Variants in ACBD5 observed in about 807,000 individuals in gnomAD.
ACBD5 encodes the protein acyl-CoA-binding domain-containing protein 5.
A neutral mutation model predicts 71.8 loss-of-function variants in ACBD5; 40 were observed. The observed-to-expected ratio is 0.56, with a 90% CI of 0.43 to 0.72. ACBD5 has a LOEUF of 0.72. ACBD5 is among the 30% of genes least tolerant of loss of function. The probability of loss-of-function intolerance (pLI) is 0.00; values close to 1 mark genes in which losing one functional copy is unlikely to be tolerated. For synonymous variants in ACBD5, 229 were observed against 218.6 expected (o/e 1.05, Z -0.42); for missense variants, 559 against 644.5 (o/e 0.87, Z 1.44).
chr10:27,198,877 G>A (rs1021345819), intron 12 of ACBD5, among the ~76,000 whole-genome samples: 2 of 152,106 alleles, frequency 1.3e-5, no homozygotes, highest in African/African-American at 2.4e-5. Flanking sequence ...TTGGGAGGCC[G>A]AGGCGGGCGG....
intron 9 of ACBD5, among the ~76,000 whole-genome samples, chr10:27,208,824 C>A (rs1486220718): frequency 6.6e-6 from 1 of 151,670 alleles, no homozygotes; most frequent in African/African-American, 2.4e-5. Context: ...GGCGACAGAG[C>A]GATACTCCAT....
rs2059368546 is a variant in ACBD5 at position 27,196,186 on chromosome 10, G to A, written c.*1244C>T. 1 of 453,472 alleles carries A rather than the reference G, an allele frequency of 2.2e-6. No homozygotes were observed. Among genetic ancestry groups the A allele is most frequent in the Non-Finnish European group, 4.4e-6 (1 of 226,722 alleles). The allele number at this position is 453,472 out of a possible 1,614,324, so 28.1% of individuals were successfully genotyped here. A position where few individuals can be genotyped will look rare whatever the true frequency, so the allele number is the denominator to read the frequency against. On this transcript the variant is annotated 3_prime_UTR_variant, in exon 13 of 13. Coordinates refer to ENST00000396271, the MANE Select transcript of ACBD5 (RefSeq NM_145698.5). ...TTGCCCTCCAGCCTGGGCAACAAGA[G>A]AGAAACTCCATTTAAAAAAAAAAAT...
In ACBD5 at chr10:27,208,808, A is replaced by C. The variant is rs560934143; in HGVS notation, c.1205-363T>G. On this transcript the variant is annotated intron_variant, in intron 9 of 12. Transcript: ENST00000396271. The stretch of plus-strand genomic sequence containing the variant: ...AGCCGAGATCATGCCACTGCACTCC[A>C]GCCTGGGCGACAGAGCGATACTCCA... Among the ~76,000 whole-genome samples, 24 of 152,270 alleles carry C rather than the reference A, an allele frequency of 1.6e-4. No individual in the cohort carries two copies. The East Asian group carries it at 4.1e-3, about 26-fold the overall frequency.
chr10:27,183,319 C>T (rs1346666953), intron 13 of ACBD5, among the ~76,000 whole-genome samples: 2 of 152,090 alleles, frequency 1.3e-5, no homozygotes, highest in African/African-American at 2.4e-5. Flanking sequence ...CTTGCTCTGT[C>T]ACCAGGCTGC....
chr10:27,203,602 G>A (rs1379162434), intron 12 of ACBD5, among the ~76,000 whole-genome samples: 1 of 152,154 alleles, frequency 6.6e-6, no homozygotes, highest in African/African-American at 2.4e-5. Context: ...AGCTGGGCAT[G>A]ATGGCACATG....
chr10:27,220,153 C>T (rs1350650364), intron 5 of ACBD5, among the ~76,000 whole-genome samples: 1 of 152,092 alleles, frequency 6.6e-6, no homozygotes, highest in Non-Finnish European at 1.5e-5. Flanking sequence ...GATCTTCATA[C>T]ATGGCAAGTG....
chr10:27,217,330 CCT>C lies in ACBD5; in HGVS notation c.829+648_829+649del, dbSNP rs1380330603. 3.3e-5 allele frequency among the ~76,000 whole-genome samples: 5 copies of C among 151,344 alleles called. No individual in the cohort carries two copies. The East Asian group carries it at 9.7e-4, about 29-fold the overall frequency. On this transcript the variant is annotated intron_variant, in intron 7 of 12. Coordinates refer to ENST00000396271, the MANE Select transcript of ACBD5 (RefSeq NM_145698.5). Reference sequence around the variant, plus strand: ...AATTAGCTGGGCATGGTGGCACGTGCCTGTTATCCCAGCTACTGGGGAGGCTG... The same window carrying C: ...AATTAGCTGGGCATGGTGGCACGTGCGTTATCCCAGCTACTGGGGAGGCTG...
chr10:27,198,548 G>A (rs1801875466), intron 12 of ACBD5, among the ~76,000 whole-genome samples: 1 of 152,100 alleles, frequency 6.6e-6, no homozygotes, highest in African/African-American at 2.4e-5. Flanking sequence ...ATCCTCTTAT[G>A]TACACCTCCT....
In ACBD5 at chr10:27,196,264, A is replaced by C. The variant is rs1376818681; in HGVS notation, c.*1166T>G. 6.6e-6 allele frequency: 3 copies of C among 453,984 alleles called. No homozygotes were observed. The highest frequency in any genetic ancestry group is 1.3e-5 in the Non-Finnish European group (3 of 226,788). 28.1% of individuals were successfully genotyped at this position (453,984 alleles called of 1,614,324 possible). A position where few individuals can be genotyped will look rare whatever the true frequency, so the allele number is the denominator to read the frequency against. ...AATCTTCAAAGCACAAGGTACATCT[A>C]AGTGAGCAGGAAGTTTTGGAAGGCA... is the stretch of plus-strand genomic sequence containing the variant. On this transcript the variant is annotated 3_prime_UTR_variant, in exon 13 of 13. Coordinates refer to ENST00000396271, the MANE Select transcript of ACBD5 (RefSeq NM_145698.5).
intron 12 of ACBD5, among the ~76,000 whole-genome samples, chr10:27,201,740 T>C (rs752522407): frequency 2.0e-5 from 3 of 152,160 alleles, no homozygotes; most frequent in South Asian, 4.1e-4. Context: ...GACTCAGAGG[T>C]TGCAGTGAGC....
At chr10:27,194,781 A>T (rs529843489), downstream of ACBD5, among the ~76,000 whole-genome samples, 1 of 151,900 alleles carries the variant, frequency 6.6e-6, no homozygotes, top group Non-Finnish European at 1.5e-5. Context: ...GTAGATCACG[A>T]GGTCAAGAGA....
chr10:27,240,780 T>C lies in ACBD5; in HGVS notation c.-92A>G, dbSNP rs2065404422. 1 of 1,532,068 alleles carries C rather than the reference T, an allele frequency of 6.5e-7. No homozygotes were observed. Among genetic ancestry groups the C allele is most frequent in the Non-Finnish European group, 8.8e-7 (1 of 1,131,276 alleles). 94.9% of individuals were successfully genotyped at this position (1,532,068 alleles called of 1,614,324 possible). On this transcript the variant is annotated 5_prime_UTR_variant, in exon 1 of 13. An upstream start codon of the reference 5' UTR is lost. Coordinates refer to ENST00000396271, the MANE Select transcript of ACBD5 (RefSeq NM_145698.5). The surrounding 1 kb of genome is among the most constrained non-coding windows in gnomAD (Gnocchi z 4.1). ...CCTGGCGGAGCAGCCACACCCCCCATTCCGCCGGAGTCCGTCTGTCAGTCC... is the reference window on the plus strand; with the variant it reads ...CCTGGCGGAGCAGCCACACCCCCCACTCCGCCGGAGTCCGTCTGTCAGTCC...
rs757515357 is a variant in ACBD5 at position 27,204,468 on chromosome 10, C to A, written c.1537G>T (p.Val513Leu). 1.9e-6 allele frequency: 3 copies of A among 1,613,804 alleles called. No homozygotes were observed. Among genetic ancestry groups the A allele is most frequent in the African/African-American group, 2.7e-5 (2 of 74,892 alleles). Residue 513 changes from valine (V) to leucine (L), a missense_variant, in exon 12 of 13, where the codon GTG becomes TTG. Physicochemically the swap from Val to Leu is conservative, Grantham distance 32 (BLOSUM62 1). Transcript: ENST00000396271. ...IIWPFIAQWL[V>L]YLYYQRRRRK... ...CTCCTTCTTTGATAGTATAAATACA[C>A]CAACCACTGTGCAATAAAAGGCCAT...
Position 27,231,823 on chromosome 10 carries a change from A to G in ACBD5, c.303-3T>C. On this transcript the variant is annotated splice_polypyrimidine_tract_variant and splice_region_variant and intron_variant, in intron 3 of 12. Coordinates refer to ENST00000396271, the MANE Select transcript of ACBD5 (RefSeq NM_145698.5). Reference sequence around the variant, plus strand: ...CACCCAGTGAACTCCAAGCATCCCTAGAAATGAAAGTATCCACAAAATGAC... The same window carrying G: ...CACCCAGTGAACTCCAAGCATCCCTGGAAATGAAAGTATCCACAAAATGAC... 1.2e-6 allele frequency: 2 copies of G among 1,613,118 alleles called. No homozygotes were observed. Among genetic ancestry groups the G allele is most frequent in the Non-Finnish European group, 1.7e-6 (2 of 1,179,522 alleles).
chr10:27,200,447 CTCTCTTTTTTTTTTT>C (rs2059802992), intron 12 of ACBD5, among the ~76,000 whole-genome samples: 1 of 151,744 alleles, frequency 6.6e-6, no homozygotes, highest in South Asian at 2.1e-4. Context: ...TTTCTTTTTT[CTCTCTTTTTTTTTTT>C]GAGATGGAGT....
chr10:27,215,626 T>C lies in ACBD5; in HGVS notation c.845A>G (p.His282Arg), dbSNP rs2061537648. Reference sequence around the variant, plus strand: ...CTGAATTCCTGTAACATCTTCAACATGATCATCATTTATATCTAAATATGA... The same window carrying C: ...CTGAATTCCTGTAACATCTTCAACACGATCATCATTTATATCTAAATATGA... ...VCIHQDINDD[H>R]VEDVTGIQHL... Residue 282 changes from histidine (H) to arginine (R), a missense_variant, in exon 8 of 13, where the codon CAT becomes CGT. By Grantham distance (29) the His-to-Arg change is conservative. Transcript: ENST00000396271. 1 of 1,611,282 alleles carries C rather than the reference T, an allele frequency of 6.2e-7. No homozygotes were observed. The highest frequency in any genetic ancestry group is 1.3e-5 in the African/African-American group (1 of 75,008).
At chr10:27,222,573 G>GT (rs11478899) in intron 5 of ACBD5, among the ~76,000 whole-genome samples, 2 of 151,916 alleles carry the variant, frequency 1.3e-5, no homozygotes, top group Non-Finnish European at 2.9e-5. Flanking sequence ...TTTTTTGTTT[G>GT]TTTTTTTCTT....
chr10:27,206,434 T>C (rs905002242), intron 10 of ACBD5, among the ~76,000 whole-genome samples: 2 of 151,864 alleles, frequency 1.3e-5, no homozygotes, highest in Non-Finnish European at 2.9e-5. Flanking sequence ...CTGGGCAACA[T>C]GGCAAAACTC....
intron 13 of ACBD5, among the ~76,000 whole-genome samples, chr10:27,185,166 C>G (rs2058607857): frequency 6.6e-6 from 1 of 152,134 alleles, no homozygotes; most frequent in South Asian, 2.1e-4. Context: ...GAGCTTCATG[C>G]TAAAGCTGTC....
Sources: allele counts gnomAD v4.1 joint callset (sites outside exome capture counted in the v4.1 genomes callset), GRCh38; gene constraint gnomAD v4.1.1; non-coding constraint Gnocchi (gnomAD v3.1); transcripts MANE v1.5; gene names NCBI Gene and HGNC (gene_info 2026-07-23, HGNC 2026-07-21).